Variants in UST observed in about 807,000 individuals in gnomAD.
The protein encoded by UST is chondroitin sulfate 2-O-sulfotransferase.
Under a neutral mutation model 45.6 loss-of-function variants are expected in UST, and 21 were observed. That is an observed-to-expected ratio of 0.46 (90% CI 0.33 to 0.66). The LOEUF (loss-of-function observed/expected upper bound fraction) is 0.66, where lower values mean the gene tolerates loss of function less well. Ranked by LOEUF, UST falls within the 30% of genes least tolerant of loss-of-function variation. UST has a pLI of 0.02. For missense variants in UST, 463 were observed against 512.4 expected (o/e 0.90, Z 0.93); for synonymous variants, 215 against 200.6 (o/e 1.07, Z -0.61).
At chr6:148,932,101 C>T (rs972635207) in intron 2 of UST, among the ~76,000 whole-genome samples, 1 of 152,130 alleles carries the variant, frequency 6.6e-6, no homozygotes, top group African/African-American at 2.4e-5. Context: ...CATTTTTGGC[C>T]GAGCGCGGTG....
chr6:148,796,350 G>A lies in UST; in HGVS notation c.247+48673G>A, dbSNP rs567636197. 5.9e-5 allele frequency among the ~76,000 whole-genome samples: 9 copies of A among 152,248 alleles called. No homozygotes were observed. The South Asian group carries it at 1.5e-3, about 25-fold the overall frequency. ...AAGTTGAAGTTTTATAATTCAAATTGTAGGTTCAGAGCTGGAAGGGAATCC... is the reference window on the plus strand; with the variant it reads ...AAGTTGAAGTTTTATAATTCAAATTATAGGTTCAGAGCTGGAAGGGAATCC... On this transcript the variant is annotated intron_variant, in intron 1 of 7. Transcript: ENST00000367463.
chr6:148,886,667 A>C (rs1399813733), intron 1 of UST, among the ~76,000 whole-genome samples: 1 of 152,204 alleles, frequency 6.6e-6, no homozygotes, highest in Non-Finnish European at 1.5e-5. Flanking sequence ...AAGTACAATA[A>C]CATTTGAGTA....
chr6:148,818,852 T>C (rs1264975798), intron 1 of UST, among the ~76,000 whole-genome samples: 1 of 152,198 alleles, frequency 6.6e-6, no homozygotes, highest in Non-Finnish European at 1.5e-5. Flanking sequence ...GAGGATTATC[T>C]TGAAAGAGAG....
At chr6:148,777,806 G>C (rs1227865419) in intron 1 of UST, among the ~76,000 whole-genome samples, 1 of 152,082 alleles carries the variant, frequency 6.6e-6, no homozygotes, top group South Asian at 2.1e-4. Flanking sequence ...CTCGGCCTCC[G>C]TAATCCCAAA....
intron 4 of UST, among the ~76,000 whole-genome samples, chr6:148,959,471 G>A (rs747103012): frequency 1.3e-5 from 2 of 152,174 alleles, no homozygotes; most frequent in Admixed American, 6.5e-5. Context: ...TTACAAGTGC[G>A]AGTTTTCTCT....
At chr6:148,786,808 C>T (rs1776743045) in intron 1 of UST, among the ~76,000 whole-genome samples, 1 of 152,116 alleles carries the variant, frequency 6.6e-6, no homozygotes, top group African/African-American at 2.4e-5. Context: ...GTTGAGGAGT[C>T]ACCACACTGT....
intron 5 of UST, among the ~76,000 whole-genome samples, chr6:148,970,270 G>C (rs556224691): frequency 4.6e-5 from 7 of 152,298 alleles, no homozygotes; most frequent in Non-Finnish European, 1.0e-4. Flanking sequence ...AGCTAGAATA[G>C]AATGCTACCC....
At chr6:148,916,361 C>G (rs552300307) in intron 2 of UST, among the ~76,000 whole-genome samples, 1 of 152,312 alleles carries the variant, frequency 6.6e-6, no homozygotes, top group Non-Finnish European at 1.5e-5. Flanking sequence ...AACACATATC[C>G]TCCCGTGAGT....
chr6:148,762,127 T>C (rs1196297596), intron 1 of UST, among the ~76,000 whole-genome samples: 1 of 152,220 alleles, frequency 6.6e-6, no homozygotes, highest in Non-Finnish European at 1.5e-5. Context: ...TTTGTAGTTA[T>C]ATTCTTCATT....
intron 5 of UST, among the ~76,000 whole-genome samples, chr6:148,978,992 T>C (rs1164322487): frequency 1.3e-5 from 2 of 152,136 alleles, no homozygotes; most frequent in Non-Finnish European, 2.9e-5. Context: ...TCAGGGAGAA[T>C]ATAAGCAGCA....
At chr6:149,030,267 C>T (rs1776119960) in intron 7 of UST, among the ~76,000 whole-genome samples, 1 of 152,164 alleles carries the variant, frequency 6.6e-6, no homozygotes, top group African/African-American at 2.4e-5. Context: ...TAAAACTCTT[C>T]TTTATATTTA....
At chr6:148,825,633 C>T (rs1217606815) in intron 1 of UST, among the ~76,000 whole-genome samples, 6 of 152,186 alleles carry the variant, frequency 3.9e-5, no homozygotes, top group South Asian at 2.1e-4. Context: ...CATCTTTCCA[C>T]GGATCTGCTG....
intron 1 of UST, among the ~76,000 whole-genome samples, chr6:148,844,957 ATTG>A (rs1777959786): frequency 6.6e-6 from 1 of 151,590 alleles, no homozygotes; most frequent in Non-Finnish European, 1.5e-5. Flanking sequence ...ACATGGTTTC[ATTG>A]TTGTTGTTTT....
intron 1 of UST, among the ~76,000 whole-genome samples, chr6:148,855,528 A>G (rs1253518069): frequency 6.6e-6 from 1 of 152,236 alleles, no homozygotes; most frequent in Non-Finnish European, 1.5e-5. Context: ...GTTCCCAGGG[A>G]GGACTTATTT....
chr6:148,946,479 C>T (rs1161184012), intron 3 of UST, among the ~76,000 whole-genome samples: 1 of 136,770 alleles, frequency 7.3e-6, no homozygotes, highest in Admixed American at 8.4e-5. Context: ...CGACTGCACT[C>T]CAGCCTGGGC....
At chr6:148,941,223 A>G in intron 2 of UST, 56 bp from the exon 3 acceptor site, 2 of 1,594,264 alleles carry the variant, frequency 1.3e-6, no homozygotes, top group Middle Eastern at 1.7e-4. Flanking sequence ...TGAGGGAAGA[A>G]TCCTAAGTAT....
intron 5 of UST, among the ~76,000 whole-genome samples, chr6:148,988,177 T>C (rs1781270412): frequency 6.6e-6 from 1 of 152,050 alleles, no homozygotes; most frequent in African/African-American, 2.4e-5. Flanking sequence ...TGAAGGGTGC[T>C]GGGGTATAAA....
At chr6:148,785,417 T>C (rs967698795) in intron 1 of UST, among the ~76,000 whole-genome samples, 2 of 152,186 alleles carry the variant, frequency 1.3e-5, no homozygotes, top group Non-Finnish European at 2.9e-5. Flanking sequence ...AGGACTATGA[T>C]AATGCCTACC....
At chr6:148,879,957 T>TTTTTTC (rs1778793354) in intron 1 of UST, among the ~76,000 whole-genome samples, 3 of 148,802 alleles carry the variant, frequency 2.0e-5, no homozygotes, top group African/African-American at 7.4e-5. Context: ...TTTTTCTTTT[T>TTTTTTC]TTTTTTTTTT....
Sources: allele counts gnomAD v4.1 joint callset (sites outside exome capture counted in the v4.1 genomes callset), GRCh38; gene constraint gnomAD v4.1.1; transcripts MANE v1.5; gene names NCBI Gene and HGNC (gene_info 2026-07-23, HGNC 2026-07-21).